The following ADAP2 variants were observed in gnomAD, a reference collection of about 807,000 sequenced individuals.
ADAP2 encodes arf-GAP with dual PH domain-containing protein 2.
Under a neutral mutation model 54.9 loss-of-function variants are expected in ADAP2, and 42 were observed. That is an observed-to-expected ratio of 0.77 (90% CI 0.60 to 0.99). The LOEUF (loss-of-function observed/expected upper bound fraction) is 0.99, where lower values mean the gene tolerates loss of function less well. Among genes scored for constraint, ADAP2 ranks in the 50% least tolerant of loss-of-function variants. ADAP2 has a pLI of 0.00. For missense variants in ADAP2, 429 were observed against 480.4 expected (o/e 0.89, Z 1.00); for synonymous variants, 177 against 180.1 (o/e 0.98, Z 0.14).
At chr17:30,928,577 T>G (rs962459498) in intron 3 of ADAP2, among the ~76,000 whole-genome samples, 1 of 152,226 alleles carries the variant, frequency 6.6e-6, no homozygotes, top group Non-Finnish European at 1.5e-5. Flanking sequence ...TATTTAATTC[T>G]TTCAACAACC....
intron 7 of ADAP2, among the ~76,000 whole-genome samples, chr17:30,952,830 T>A (rs1904774961): frequency 6.6e-6 from 1 of 152,156 alleles, no homozygotes; most frequent in Non-Finnish European, 1.5e-5. Context: ...GAATCTCAGC[T>A]CTTTGTGCTA....
At chr17:30,942,056 C>T (rs1487360865) in intron 5 of ADAP2, among the ~76,000 whole-genome samples, 2 of 152,010 alleles carry the variant, frequency 1.3e-5, no homozygotes, top group African/African-American at 2.4e-5. Context: ...CAGGTGTGTA[C>T]CACCACTCCC....
chr17:30,956,634 A>G, intron 10 of ADAP2, 165 bp downstream of exon 10: 1 of 742,878 alleles, frequency 1.3e-6, no homozygotes, highest in Non-Finnish European at 2.2e-6. Context: ...ACATGCCATT[A>G]TTGCCAAAAG....
chr17:30,940,484 T>C (rs1339351429), intron 5 of ADAP2, among the ~76,000 whole-genome samples: 1 of 152,188 alleles, frequency 6.6e-6, no homozygotes, highest in East Asian at 1.9e-4. Flanking sequence ...TTTGTATTTT[T>C]AGTAGAGACG....
rs530208526 is a variant in ADAP2 at position 30,949,632 on chromosome 17, C to A, written c.741+262C>A. ...GGTGTGGTGGCAGGCGCCTGTAGTC[C>A]CAGCTACTTGGGAGGCTGAGGCAGG... On this transcript the variant is annotated intron_variant, in intron 7 of 10. Transcript: ENST00000330889. 5.7e-4 allele frequency among the ~76,000 whole-genome samples: 86 copies of A among 151,986 alleles called. 2 individuals are homozygous for A. Among genetic ancestry groups the A allele is most frequent in the South Asian group, 3.7e-3 (18 of 4,814 alleles).
intron 6 of ADAP2, among the ~76,000 whole-genome samples, chr17:30,946,054 C>T (rs1342362828): frequency 2.7e-5 from 4 of 150,798 alleles, no homozygotes; most frequent in African/African-American, 9.7e-5. Flanking sequence ...ACTCAGGAGG[C>T]GGAGGCAGGA....
At position 30,925,625 on chromosome 17, in the gene ADAP2, T is replaced by C. The variant is rs2142505981; in HGVS notation, c.226-1202T>C. On this transcript the variant is annotated intron_variant, in intron 2 of 10. Transcript: ENST00000330889. ...TTTTTTTTTTGAGACGGAGTCTCAC[T>C]CACTCTGTTGCCCAGGTTGGAGTGT... is the stretch of plus-strand genomic sequence containing the variant. Among the ~76,000 whole-genome samples, 2 of 150,088 alleles carry C rather than the reference T, an allele frequency of 1.3e-5. 1 individual carries two copies. Among genetic ancestry groups the C allele is most frequent in the Non-Finnish European group, 3.0e-5 (2 of 67,504 alleles).
chr17:30,940,513 C>T (rs1912196674), intron 5 of ADAP2, among the ~76,000 whole-genome samples: 1 of 152,130 alleles, frequency 6.6e-6, no homozygotes, highest in Non-Finnish European at 1.5e-5. Context: ...CCATGTTGGC[C>T]AGGCTGGTCT....
intron 5 of ADAP2, among the ~76,000 whole-genome samples, chr17:30,942,059 C>G (rs1912308585): frequency 6.6e-6 from 1 of 152,054 alleles, no homozygotes; most frequent in Admixed American, 6.6e-5. Flanking sequence ...GTGTGTACCA[C>G]CACTCCCAGC....
At chr17:30,935,593 T>G (rs1911814251) in intron 5 of ADAP2, among the ~76,000 whole-genome samples, 1 of 152,126 alleles carries the variant, frequency 6.6e-6, no homozygotes, top group Non-Finnish European at 1.5e-5. Flanking sequence ...ACAGGTATGG[T>G]CAAACACATA....
chr17:30,950,916 A>C (rs1003834268), intron 7 of ADAP2, among the ~76,000 whole-genome samples: 1 of 152,192 alleles, frequency 6.6e-6, no homozygotes, highest in African/African-American at 2.4e-5. Context: ...ATCTTTGCTG[A>C]CATGTGTAAA....
chr17:30,932,101 G>A (rs1911532135), intron 4 of ADAP2, 133 bp downstream of exon 4: 1 of 750,542 alleles, frequency 1.3e-6, no homozygotes, highest in East Asian at 2.7e-5. Context: ...AGGCCAAGGT[G>A]TGGGTTCTTC....
chr17:30,929,747 A>G (rs1350231002), intron 3 of ADAP2, among the ~76,000 whole-genome samples: 1 of 151,984 alleles, frequency 6.6e-6, no homozygotes, highest in Non-Finnish European at 1.5e-5. Context: ...CCCAGGCTAG[A>G]GTTCAGTGGC....
rs115844738 is a variant in ADAP2, at chr17:30,949,443, G to A, written c.741+73G>A. 1,613 of 1,425,048 alleles carry A rather than the reference G, an allele frequency of 1.1e-3. 14 individuals carry two copies. In the African/African-American group the frequency reaches 0.019, roughly 17 times the overall value. The allele number at this position is 1,425,048 out of a possible 1,614,324, so 88.3% of individuals were successfully genotyped here. A position where few individuals can be genotyped will look rare whatever the true frequency, so the allele number is the denominator to read the frequency against. ...CCTTCTTTCCCTGTCTGTTGACCTC[G>A]AAGACACTCAGAAGCCAGACTAGGG... On this transcript the variant is annotated intron_variant, in intron 7 of 10. Transcript: ENST00000330889.
intron 10 of ADAP2, chr17:30,956,848 C>T (rs1000520306): frequency 9.3e-6 from 2 of 215,962 alleles, no homozygotes; most frequent in Admixed American, 5.1e-5. Context: ...GCTAAGGTCA[C>T]ACCCGCTGGG....
Position 30,948,462 on chromosome 17 carries a change from C to T in ADAP2, c.658-825C>T, listed in dbSNP as rs970100935. Among the ~76,000 whole-genome samples, 5 of 151,434 alleles carry T rather than the reference C, an allele frequency of 3.3e-5. No individual in the cohort carries two copies. The South Asian group carries it at 6.3e-4, about 19-fold the overall frequency. On this transcript the variant is annotated intron_variant, in intron 6 of 10. Transcript: ENST00000330889. ...GTGGGCGCCTGTAGTCCCAGCTACTCGGGAGGCTGAGGCAGGAGAATGGTG... is the reference window on the plus strand; with the variant it reads ...GTGGGCGCCTGTAGTCCCAGCTACTTGGGAGGCTGAGGCAGGAGAATGGTG...
At chr17:30,937,366 C>T (rs1015931082) in intron 5 of ADAP2, among the ~76,000 whole-genome samples, 1 of 152,116 alleles carries the variant, frequency 6.6e-6, no homozygotes, top group Non-Finnish European at 1.5e-5. Flanking sequence ...GGACTACAGG[C>T]GTGCACCACC....
intron 2 of ADAP2, among the ~76,000 whole-genome samples, chr17:30,924,867 TTTTTTTTG>T (rs1910908606): frequency 6.7e-6 from 1 of 149,738 alleles, no homozygotes; most frequent in Admixed American, 6.7e-5. Flanking sequence ...TTCTTTTTTG[TTTTTTTTG>T]TTTTTTTTTT....
chr17:30,954,365 C>CT, intron 8 of ADAP2, 113 bp from the exon 9 acceptor site: 1 of 837,438 alleles, frequency 1.2e-6, no homozygotes, highest in South Asian at 1.4e-5. Context: ...GGAGGCTGGG[C>CT]TGGAGAACCA....
Sources: allele counts gnomAD v4.1 joint callset (sites outside exome capture counted in the v4.1 genomes callset), GRCh38; gene constraint gnomAD v4.1.1; transcripts MANE v1.5; gene names NCBI Gene and HGNC (gene_info 2026-07-23, HGNC 2026-07-21).